The following AGBL4 variants were observed in gnomAD, a reference collection of about 807,000 sequenced individuals.
The protein encoded by AGBL4 is AGBL carboxypeptidase 4.
A neutral mutation model predicts 66.4 loss-of-function variants in AGBL4; 58 were observed. The ratio of observed to expected loss-of-function variants is 0.87; its 90% CI spans 0.71 to 1.09. AGBL4 has a LOEUF of 1.09. AGBL4 is among the 50% of genes least tolerant of loss of function. The probability of loss-of-function intolerance (pLI) is 0.00; values close to 1 mark genes in which losing one functional copy is unlikely to be tolerated. For synonymous variants in AGBL4, 234 were observed against 222.9 expected (o/e 1.05, Z -0.44); for missense variants, 579 against 631.0 (o/e 0.92, Z 0.88).
At position 50,023,805 on chromosome 1, in the gene AGBL4, T is replaced by G; in HGVS notation, c.-9A>C. 1 of 1,548,948 alleles carries G rather than the reference T, an allele frequency of 6.5e-7. No homozygotes were observed. The highest frequency in any genetic ancestry group is 8.7e-7 in the Non-Finnish European group (1 of 1,145,842). On this transcript the variant is annotated 5_prime_UTR_variant, in exon 1 of 14. Coordinates refer to ENST00000371839, the MANE Select transcript of AGBL4 (RefSeq NM_032785.4). Reference sequence around the variant, plus strand: ...TGGCTCCCCTCCGCCATTTTTGTTGTCCCTCAGTCTCCGAGCTCACGCGAA... The same window carrying G: ...TGGCTCCCCTCCGCCATTTTTGTTGGCCCTCAGTCTCCGAGCTCACGCGAA...
At chr1:49,636,464 C>T (rs1355090896) in intron 3 of AGBL4, among the ~76,000 whole-genome samples, 1 of 152,152 alleles carries the variant, frequency 6.6e-6, no homozygotes, top group Non-Finnish European at 1.5e-5. Context: ...AGGGATTAGG[C>T]TTCAACATAC....
chr1:48,539,901 G>T (rs1440193190), intron 11 of AGBL4, among the ~76,000 whole-genome samples, 163 bp from the exon 12 acceptor site: 1 of 151,988 alleles, frequency 6.6e-6, no homozygotes, highest in East Asian at 1.9e-4. Flanking sequence ...ACCTTAAATG[G>T]TAATCACTAT....
chr1:49,399,487 T>C (rs1185326240), intron 3 of AGBL4, among the ~76,000 whole-genome samples: 1 of 152,154 alleles, frequency 6.6e-6, no homozygotes, highest in African/African-American at 2.4e-5. Context: ...CCCTTTTCTC[T>C]ACATCCTCAC....
At chr1:49,318,039 T>C (rs1014479846) in intron 3 of AGBL4, among the ~76,000 whole-genome samples, 1 of 152,018 alleles carries the variant, frequency 6.6e-6, no homozygotes, top group Admixed American at 6.6e-5. Context: ...AGAAAACAGA[T>C]TAGCCAACAA....
intron 4 of AGBL4, among the ~76,000 whole-genome samples, chr1:49,244,742 A>G (rs190714586): frequency 6.6e-6 from 1 of 151,962 alleles, no homozygotes; most frequent in Non-Finnish European, 1.5e-5. Flanking sequence ...CCATTTATTG[A>G]GCACTTAGTA....
intron 5 of AGBL4, among the ~76,000 whole-genome samples, chr1:48,868,339 A>G (rs113493043): frequency 1.3e-5 from 2 of 152,186 alleles, no homozygotes; most frequent in African/African-American, 2.4e-5. Context: ...CTTAAGCAGA[A>G]AGGGGAAGGC....
intron 3 of AGBL4, among the ~76,000 whole-genome samples, chr1:49,604,875 G>A (rs1174457232): frequency 6.6e-6 from 1 of 152,058 alleles, no homozygotes; most frequent in East Asian, 1.9e-4. Flanking sequence ...ATCTCAGAAA[G>A]ATTATCATAT....
intron 6 of AGBL4, among the ~76,000 whole-genome samples, chr1:48,702,881 A>T (rs1267728624): frequency 6.6e-6 from 1 of 152,192 alleles, no homozygotes; most frequent in Non-Finnish European, 1.5e-5. Flanking sequence ...AAATCAGCCC[A>T]CAAACAGAAC....
intron 2 of AGBL4, among the ~76,000 whole-genome samples, chr1:49,803,082 A>T (rs1644901263): frequency 1.3e-5 from 2 of 150,736 alleles, no homozygotes; most frequent in South Asian, 4.1e-4. Context: ...TATATAGCTT[A>T]TGAAGTTATA....
At chr1:49,824,778 C>A (rs1011538424) in intron 2 of AGBL4, among the ~76,000 whole-genome samples, 1 of 152,128 alleles carries the variant, frequency 6.6e-6, no homozygotes, top group Non-Finnish European at 1.5e-5. Context: ...AAAACTAAGG[C>A]AAAGAGGGCT....
rs954064011 is a variant in AGBL4, at chr1:49,966,194, A to C, written c.34+57569T>G. On this transcript the variant is annotated intron_variant, in intron 1 of 13. Coordinates refer to ENST00000371839, the MANE Select transcript of AGBL4 (RefSeq NM_032785.4). ...CCTGACCTGGTGATCTGCCTGCCTC[A>C]GCCTCCCAAAGTGCTGGGATTACAG... Among the ~76,000 whole-genome samples, 8 of 152,170 alleles carry C rather than the reference A, an allele frequency of 5.3e-5. No homozygotes were observed. In the East Asian group the frequency reaches 7.7e-4, roughly 15 times the overall value.
At chr1:48,836,710 T>G (rs1201715823) in intron 6 of AGBL4, among the ~76,000 whole-genome samples, 1 of 152,120 alleles carries the variant, frequency 6.6e-6, no homozygotes, top group Non-Finnish European at 1.5e-5. Context: ...CTTCGTTTGG[T>G]GTCTTAACAT....
intron 3 of AGBL4, among the ~76,000 whole-genome samples, chr1:49,593,530 T>C (rs1192768029): frequency 6.6e-6 from 1 of 152,214 alleles, no homozygotes; most frequent in Non-Finnish European, 1.5e-5. Context: ...TGAAATACTA[T>C]GCAATTATCA....
intron 11 of AGBL4, among the ~76,000 whole-genome samples, chr1:48,556,410 C>G (rs1644321813): frequency 6.6e-6 from 1 of 152,214 alleles, no homozygotes; most frequent in South Asian, 2.1e-4. Flanking sequence ...CATGCCTGTT[C>G]CATGTCTCAC....
chr1:49,936,678 A>G (rs1374819996), intron 1 of AGBL4, among the ~76,000 whole-genome samples: 1 of 152,210 alleles, frequency 6.6e-6, no homozygotes, highest in Non-Finnish European at 1.5e-5. Flanking sequence ...GTGGGAGCCA[A>G]TATTCAACAT....
chr1:49,536,257 G>A (rs1000138550), intron 3 of AGBL4, among the ~76,000 whole-genome samples: 4 of 152,218 alleles, frequency 2.6e-5, no homozygotes, highest in African/African-American at 9.6e-5. Flanking sequence ...TTAACAATAA[G>A]CTTTTAGAGC....
chr1:49,371,618 T>C (rs984861324), intron 3 of AGBL4, among the ~76,000 whole-genome samples: 1 of 152,182 alleles, frequency 6.6e-6, no homozygotes, highest in African/African-American at 2.4e-5. Context: ...TGGCTGTTCC[T>C]CACATGACAA....
At chr1:49,401,384 G>A (rs997236913) in intron 3 of AGBL4, among the ~76,000 whole-genome samples, 7 of 152,270 alleles carry the variant, frequency 4.6e-5, no homozygotes, top group African/African-American at 1.7e-4. Context: ...TGAGATTTGG[G>A]TGGGGACATA....
chr1:49,090,542 C>A (rs879490343), intron 4 of AGBL4, among the ~76,000 whole-genome samples: 3 of 152,016 alleles, frequency 2.0e-5, no homozygotes, highest in Non-Finnish European at 4.4e-5. Flanking sequence ...AGATGAAAGA[C>A]CTCTGCAATG....
Sources: gnomAD v4.1 joint callset for allele counts (sites outside exome capture counted in the v4.1 genomes callset) on GRCh38, gnomAD v4.1.1 for gene constraint, MANE v1.5 for transcripts, NCBI Gene and HGNC (gene_info 2026-07-23, HGNC 2026-07-21) for gene names.